Variants in ABCA4 observed in about 807,000 individuals in gnomAD.
The protein encoded by ABCA4 is retinal-specific phospholipid-transporting ATPase ABCA4.
In ABCA4, 196 loss-of-function variants were observed where a neutral mutation model predicts 263.7. That is an observed-to-expected ratio of 0.74 (90% CI 0.66 to 0.84). The LOEUF is 0.84. Among genes scored for constraint, ABCA4 ranks in the 40% least tolerant of loss-of-function variants. The pLI is 0.00. For synonymous variants in ABCA4, 1,133 were observed against 1,094.2 expected, an observed-to-expected ratio of 1.04 and a Z score of -0.70; for missense variants, 2,792 against 2,855.1, an observed-to-expected ratio of 0.98 and a Z score of 0.50.
At chr1:94,030,851 C>T (rs1660178154) in intron 28 of ABCA4, 145 bp downstream of exon 28, 2 of 1,273,402 alleles carry the variant, frequency 1.6e-6, no homozygotes, top group Non-Finnish European at 2.2e-6. Context: ...ACATTAAGTT[C>T]CTTTCTGCAG....
intron 39 of ABCA4, 82 bp from the exon 40 acceptor site, chr1:94,011,011 C>G (rs1659531059): frequency 6.2e-7 from 1 of 1,609,226 alleles, no homozygotes; most frequent in African/African-American, 1.3e-5. Context: ...GCCCACTAGA[C>G]CAGGCCTTAT....
At chr1:94,032,573 T>C (rs1262148423) in intron 26 of ABCA4, among the ~76,000 whole-genome samples, 1 of 152,008 alleles carries the variant, frequency 6.6e-6, no homozygotes, top group Non-Finnish European at 1.5e-5. Flanking sequence ...GAGGTGGAGG[T>C]TGCGTAAGCC....
chr1:93,994,648 A>G (rs1295562068), intron 49 of ABCA4, among the ~76,000 whole-genome samples: 1 of 152,246 alleles, frequency 6.6e-6, no homozygotes, highest in Non-Finnish European at 1.5e-5. Flanking sequence ...TTGTAAAGAT[A>G]GTATGTTGTA....
chr1:94,046,582 A>G (rs562959107), intron 19 of ABCA4, among the ~76,000 whole-genome samples: 13 of 152,082 alleles, frequency 8.5e-5, no homozygotes, highest in African/African-American at 2.9e-4. Context: ...GGGGGGAAAG[A>G]CTCAAGGTGT....
intron 45 of ABCA4, among the ~76,000 whole-genome samples, 200 bp from the exon 46 acceptor site, chr1:94,001,305 G>A (rs903058779): frequency 6.6e-6 from 1 of 152,206 alleles, no homozygotes; most frequent in African/African-American, 2.4e-5. Context: ...GAAGCGTGGC[G>A]TCCATCCTGG....
chr1:94,007,896 C>T, intron 42 of ABCA4, 156 bp from the exon 43 acceptor site: 1 of 729,252 alleles, frequency 1.4e-6, no homozygotes, highest in Non-Finnish European at 2.4e-6. Flanking sequence ...GCACTTGAAA[C>T]ACATCTAAGT....
intron 26 of ABCA4, among the ~76,000 whole-genome samples, chr1:94,033,206 C>T (rs1184390207): frequency 6.6e-6 from 1 of 151,956 alleles, no homozygotes; most frequent in African/African-American, 2.4e-5. Context: ...GATTGATTGA[C>T]CCCAGGAGTT....
In ABCA4 at chr1:94,079,455, AAGG is replaced by A; in HGVS notation, c.1103_1105del (p.Ser368del). ...CAGGCTCTGGATCAATGCATTACAA[AAGG>A]ATGCTGCCAGGAGACAAGGGACAGA... On this transcript the variant is annotated inframe_deletion, in exon 9 of 50. Transcript: ENST00000370225. 1 of 1,614,224 alleles carries A rather than the reference AAGG, an allele frequency of 6.2e-7. No homozygotes were observed. Among genetic ancestry groups the A allele is most frequent in the Non-Finnish European group, 8.5e-7 (1 of 1,180,036 alleles).
chr1:94,082,210 T>G (rs1205217286), intron 7 of ABCA4, among the ~76,000 whole-genome samples: 1 of 152,230 alleles, frequency 6.6e-6, no homozygotes, highest in Non-Finnish European at 1.5e-5. Context: ...ACTATTATTA[T>G]GTTGCTCATT....
At chr1:94,000,088 G>A (rs1659131646) in intron 47 of ABCA4, among the ~76,000 whole-genome samples, 1 of 152,222 alleles carries the variant, frequency 6.6e-6, no homozygotes, top group Non-Finnish European at 1.5e-5. Flanking sequence ...ATGCACCTCA[G>A]CATAGATAAG....
intron 6 of ABCA4, among the ~76,000 whole-genome samples, chr1:94,086,266 C>A (rs2101116161): frequency 6.6e-6 from 1 of 152,256 alleles, no homozygotes; most frequent in Non-Finnish European, 1.5e-5. Flanking sequence ...TATCACCAAG[C>A]TTTTTATCCA....
chr1:93,993,129 G>C lies in ABCA4; in HGVS notation c.*108C>G, dbSNP rs946762540. On this transcript the variant is annotated 3_prime_UTR_variant, in exon 50 of 50. Transcript: ENST00000370225. ...GTGTGTTTGTTTTCTGCTGCAGTGG[G>C]GTCATTTACGCTGGCCAGTCCATTT... 7.0e-7 allele frequency: 1 copy of C among 1,425,362 alleles called. No individual in the cohort carries two copies. The highest frequency in any genetic ancestry group is 9.9e-7 in the Non-Finnish European group (1 of 1,013,546). 88.3% of individuals were successfully genotyped at this position (1,425,362 alleles called of 1,614,324 possible). A position where few individuals can be genotyped will look rare whatever the true frequency, so the allele number is the denominator to read the frequency against.
chr1:94,040,235 A>C, intron 23 of ABCA4, 108 bp from the exon 24 acceptor site: 1 of 876,588 alleles, frequency 1.1e-6, no homozygotes, highest in Non-Finnish European at 1.9e-6. Flanking sequence ...CTCACTGCCA[A>C]GTGTAGTCAA....
intron 30 of ABCA4, among the ~76,000 whole-genome samples, chr1:94,026,968 G>T (rs1277686948): frequency 6.6e-5 from 10 of 152,000 alleles, no homozygotes; most frequent in African/African-American, 2.4e-4. Context: ...GATAGAGAGA[G>T]AATGAGAAAG....
At chr1:94,091,535 A>G (rs7554309) in intron 6 of ABCA4, among the ~76,000 whole-genome samples, 264 of 151,756 alleles carry the variant, frequency 1.7e-3, no homozygotes, top group African/African-American at 6.1e-3. Context: ...CTGAGAAACT[A>G]TTTCTGGAAA....
intron 18 of ABCA4, 38 bp downstream of exon 18, chr1:94,048,830 T>C: frequency 6.2e-7 from 1 of 1,603,358 alleles, no homozygotes; most frequent in Non-Finnish European, 8.5e-7. Flanking sequence ...TAGAGCCTTT[T>C]CCTCGCCTCT....
chr1:94,092,869 T>C (rs952499), intron 6 of ABCA4, among the ~76,000 whole-genome samples: 69,071 of 152,068 alleles, frequency 0.45, 16,103 homozygotes, highest in East Asian at 0.61. Flanking sequence ...GCTGTGCTTT[T>C]ATAAGAGCAA....
rs1660480045 is a variant in ABCA4, at chr1:94,041,324, C to T, written c.3407G>A (p.Gly1136Glu). 6.2e-7 allele frequency: 1 copy of T among 1,614,158 alleles called. No individual in the cohort carries two copies. The highest frequency in any genetic ancestry group is 8.5e-7 in the Non-Finnish European group (1 of 1,180,040). Residue 1136 changes from glycine (G) to glutamate (E), a missense_variant, in exon 23 of 50, where the codon GGA becomes GAA. Gly to Glu is a moderately conservative substitution (Grantham distance 98, BLOSUM62 -2). Coordinates refer to ENST00000370225, the MANE Select transcript of ABCA4 (RefSeq NM_000350.3). Reference sequence around the variant, plus strand: ...TGGGGTGCCTGAGCAGTAGAGCCTTCCCTGGGCAATGATGGCAATGCGGTC... The same window carrying T: ...TGGGGTGCCTGAGCAGTAGAGCCTTTCCTGGGCAATGATGGCAATGCGGTC... ...LGDRIAIIAQ[G>E]RLYCSGTPLF...
intron 5 of ABCA4, among the ~76,000 whole-genome samples, chr1:94,101,314 T>TCGGTGC (rs1662280776): frequency 6.6e-6 from 1 of 151,366 alleles, no homozygotes; most frequent in Non-Finnish European, 1.5e-5. Flanking sequence ...AAATGAGCAA[T>TCGGTGC]CGGTGCCGAC....
Sources: allele counts gnomAD v4.1 joint callset (sites outside exome capture counted in the v4.1 genomes callset), GRCh38; gene constraint gnomAD v4.1.1; transcripts MANE v1.5; gene names NCBI Gene and HGNC (gene_info 2026-07-23, HGNC 2026-07-21).